Variants in PRPSAP1 observed in about 807,000 individuals in gnomAD.
PRPSAP1 encodes phosphoribosyl pyrophosphate synthetase associated protein 1.
PRPSAP1 carries 31 observed loss-of-function variants against 39.4 expected under a neutral mutation model. That is an observed-to-expected ratio of 0.79 (90% CI 0.59 to 1.06). The LOEUF (loss-of-function observed/expected upper bound fraction) is 1.06. Ranked by LOEUF, PRPSAP1 falls within the 50% of genes least tolerant of loss-of-function variation. The probability of loss-of-function intolerance (pLI) is 0.00; values close to 1 mark genes in which losing one functional copy is unlikely to be tolerated. For missense variants in PRPSAP1, 430 were observed against 511.6 expected, an observed-to-expected ratio of 0.84 and a Z score of 1.54; for synonymous variants, 212 against 192.6, an observed-to-expected ratio of 1.10 and a Z score of -0.83.
chr17:76,328,027 GA>G (rs1333113124), intron 7 of PRPSAP1, among the ~76,000 whole-genome samples: 4 of 149,236 alleles, frequency 2.7e-5, no homozygotes, highest in Non-Finnish European at 4.5e-5. Flanking sequence ...CATACAAAAA[GA>G]AAAAAAAAGG....
At chr17:76,337,653 G>T (rs536011041) in intron 3 of PRPSAP1, among the ~76,000 whole-genome samples, 12 of 152,104 alleles carry the variant, frequency 7.9e-5, no homozygotes, top group Non-Finnish European at 1.8e-4. Context: ...GCTGGAAGGC[G>T]AGAGTGCAGT....
intron 9 of PRPSAP1, among the ~76,000 whole-genome samples, chr17:76,311,978 A>T (rs1198108747): frequency 7.2e-5 from 11 of 152,218 alleles, no homozygotes. Context: ...CTCAGATCAT[A>T]AGGGAAGAAT....
At chr17:76,313,048 A>G (rs1231252247) in intron 8 of PRPSAP1, 32 bp from the exon 9 acceptor site, 18 of 1,608,998 alleles carry the variant, frequency 1.1e-5, no homozygotes, top group Non-Finnish European at 1.5e-5. Flanking sequence ...TTGGTAGGAA[A>G]GAAACACCCT....
intron 1 of PRPSAP1, 27 bp downstream of exon 1, chr17:76,353,507 G>A (rs1413973253): frequency 2.7e-6 from 4 of 1,476,254 alleles, no homozygotes; most frequent in East Asian, 2.9e-5. Flanking sequence ...CGCCGCCCCC[G>A]GCCCGGCCCT....
chr17:76,324,992 T>C (rs420018), intron 7 of PRPSAP1, among the ~76,000 whole-genome samples: 126,069 of 149,428 alleles, frequency 0.84, 53,381 homozygotes, highest in African/African-American at 0.93. Context: ...GGTGTGAACC[T>C]GGGGGGTGGA....
At chr17:76,320,294 G>GA (rs1447168302) in intron 7 of PRPSAP1, among the ~76,000 whole-genome samples, 119 of 5,580 alleles carry the variant, frequency 0.021, 3 homozygotes, top group East Asian at 0.025. Context: ...AAGAAAGAAA[G>GA]AAAGAAAAGA....
At position 76,353,710 on chromosome 17, in the gene PRPSAP1, GC is replaced by G. The variant is rs949233864; in HGVS notation, c.-8del. 1.8e-5 allele frequency: 26 copies of G among 1,456,980 alleles called. No homozygotes were observed. In the African/African-American group the frequency reaches 3.9e-4, roughly 22 times the overall value. The allele number at this position is 1,456,980 out of a possible 1,614,324, so 90.3% of individuals were successfully genotyped here. The stretch of plus-strand genomic sequence containing the variant: ...GCAGCAGCTTCTTGGGCATCGTCCG[GC>G]CCGCGGCGCGGTTACGACCGGCCCC... On this transcript the variant is annotated 5_prime_UTR_variant, in exon 1 of 10. Transcript: ENST00000446526.
intron 3 of PRPSAP1, among the ~76,000 whole-genome samples, chr17:76,339,544 G>C (rs1487614309): frequency 4.0e-5 from 6 of 151,818 alleles, no homozygotes; most frequent in African/African-American, 1.5e-4. Context: ...ATCAGCTTAA[G>C]AGACAGAGAA....
chr17:76,325,869 G>A (rs2071251174), intron 7 of PRPSAP1, among the ~76,000 whole-genome samples: 1 of 152,100 alleles, frequency 6.6e-6, no homozygotes, highest in Non-Finnish European at 1.5e-5. Context: ...GCCTCCCAAA[G>A]TGCTGGGATT....
At chr17:76,328,594 G>A (rs2071278831) in intron 7 of PRPSAP1, 123 bp downstream of exon 7, 6 of 1,258,428 alleles carry the variant, frequency 4.8e-6, no homozygotes, top group Non-Finnish European at 6.6e-6. Context: ...GGGTGACAGA[G>A]TGAGACTCCA....
intron 3 of PRPSAP1, among the ~76,000 whole-genome samples, chr17:76,333,095 G>C (rs879827447): frequency 1.3e-5 from 2 of 151,630 alleles, no homozygotes; most frequent in East Asian, 3.9e-4. Flanking sequence ...GTTTCACCAT[G>C]TTAGCCAGGA....
At chr17:76,319,742 C>T (rs1002046626) in intron 7 of PRPSAP1, among the ~76,000 whole-genome samples, 28 of 151,954 alleles carry the variant, frequency 1.8e-4, no homozygotes, top group African/African-American at 2.9e-4. Flanking sequence ...CGTGAGCCAC[C>T]GTGCCTGGCC....
intron 7 of PRPSAP1, among the ~76,000 whole-genome samples, chr17:76,321,161 T>G (rs1165923824): frequency 6.6e-6 from 1 of 152,144 alleles, no homozygotes; most frequent in Non-Finnish European, 1.5e-5. Flanking sequence ...ATATTTCCAC[T>G]TTTCTCATTA....
At chr17:76,325,147 C>T (rs1188357696) in intron 7 of PRPSAP1, among the ~76,000 whole-genome samples, 28 of 149,594 alleles carry the variant, frequency 1.9e-4, no homozygotes, top group Admixed American at 1.7e-3. Context: ...CAGTGGTTTA[C>T]GCCTGTAATC....
At chr17:76,313,707 G>A (rs1348538042) in intron 8 of PRPSAP1, 114 bp downstream of exon 8, 2 of 1,172,264 alleles carry the variant, frequency 1.7e-6, no homozygotes, top group African/African-American at 1.5e-5. Flanking sequence ...GGGTGAGAAA[G>A]GATACATGGA....
At chr17:76,353,370 G>T (rs1429499752) in intron 1 of PRPSAP1, 164 bp downstream of exon 1, 6 of 666,954 alleles carry the variant, frequency 9.0e-6, no homozygotes, top group Non-Finnish European at 1.4e-5. Context: ...ACCGGGGAGC[G>T]GGGGGCGGTA....
chr17:76,346,137 G>T, intron 2 of PRPSAP1: 1 of 284,364 alleles, frequency 3.5e-6, no homozygotes, highest in Non-Finnish European at 7.0e-6. Context: ...TACTTCTGGT[G>T]ACTGTACAGT....
At chr17:76,324,125 AGAGT>A (rs1330268649) in intron 7 of PRPSAP1, among the ~76,000 whole-genome samples, 1 of 148,394 alleles carries the variant, frequency 6.7e-6, no homozygotes, top group Non-Finnish European at 1.5e-5. Flanking sequence ...CCTGGGCAAC[AGAGT>A]GAGACTGTCT....
chr17:76,325,843 T>C (rs932844349), intron 7 of PRPSAP1, among the ~76,000 whole-genome samples: 7 of 152,084 alleles, frequency 4.6e-5, no homozygotes, highest in African/African-American at 1.7e-4. Flanking sequence ...CCTGACCTCG[T>C]GATCTGCCCG....
Sources: allele counts gnomAD v4.1 joint callset (sites outside exome capture counted in the v4.1 genomes callset), GRCh38; gene constraint gnomAD v4.1.1; transcripts MANE v1.5; gene names NCBI Gene and HGNC (gene_info 2026-07-23, HGNC 2026-07-21).